The following EFCAB8 variants were observed in gnomAD, a reference collection of about 807,000 sequenced individuals.
EFCAB8 encodes EF-hand calcium binding domain 8.
EFCAB8 carries 100 observed loss-of-function variants against 116.3 expected under a neutral mutation model. The ratio of observed to expected loss-of-function variants is 0.86; its 90% confidence interval spans 0.73 to 1.02. EFCAB8 has a LOEUF of 1.02. EFCAB8 is among the 50% of genes least tolerant of loss of function. The probability of loss-of-function intolerance (pLI) is 0.00; values close to 1 mark genes in which losing one functional copy is unlikely to be tolerated. For synonymous variants in EFCAB8, 558 were observed against 567.9 expected (o/e 0.98, Z 0.25); for missense variants, 1,320 against 1,416.9 (o/e 0.93, Z 1.10).
At chr20:32,861,034 G>A (rs2146156847) in intron 1 of EFCAB8, among the ~76,000 whole-genome samples, 1 of 152,196 alleles carries the variant, frequency 6.6e-6, no homozygotes, top group East Asian at 1.9e-4. Flanking sequence ...ACTGTGCCTG[G>A]CCTGCATCGT....
chr20:32,906,489 C>T (rs1986677987), intron 11 of EFCAB8, 73 bp from the exon 12 acceptor site: 10 of 714,018 alleles, frequency 1.4e-5, no homozygotes, highest in Non-Finnish European at 2.3e-5. Context: ...CCTCCCACCC[C>T]AGGCTCAGTC....
chr20:32,898,406 A>G, intron 10 of EFCAB8, 87 bp from the exon 11 acceptor site: 1 of 664,864 alleles, frequency 1.5e-6, no homozygotes, highest in Non-Finnish European at 2.8e-6. Flanking sequence ...GGGCACCTCC[A>G]GTCCCAGCAC....
chr20:32,870,303 G>A (rs1249287795), intron 3 of EFCAB8, among the ~76,000 whole-genome samples: 4 of 152,256 alleles, frequency 2.6e-5, no homozygotes, highest in South Asian at 2.1e-4. Context: ...CTTGGCCATC[G>A]TTTTTATTGT....
At chr20:32,869,968 A>C (rs1167127497) in intron 3 of EFCAB8, among the ~76,000 whole-genome samples, 1 of 152,172 alleles carries the variant, frequency 6.6e-6, no homozygotes, top group Non-Finnish European at 1.5e-5. Context: ...TTCTCTGTTT[A>C]GAGCTTGATT....
Position 32,916,490 on chromosome 20 carries a change from C to T in EFCAB8, c.1857-811C>T, listed in dbSNP as rs141525623. Among the ~76,000 whole-genome samples the T allele has an allele frequency of 3.0e-3, 452 of 152,164 alleles. 1 individual carries two copies. Among genetic ancestry groups the T allele is most frequent in the African/African-American group, 0.01 (429 of 41,510 alleles). On this transcript the variant is annotated intron_variant, in intron 17 of 26. Coordinates refer to ENST00000400522, the MANE Select transcript of EFCAB8 (RefSeq NM_001143967.2). Reference sequence around the variant, plus strand: ...CCCAAGCTGGTCTTGAACTCCTGGCCTCAAACGATTTTCCTTCCTTGGCCC... The same window carrying T: ...CCCAAGCTGGTCTTGAACTCCTGGCTTCAAACGATTTTCCTTCCTTGGCCC...
At chr20:32,889,916 C>G (rs983844811) in intron 7 of EFCAB8, among the ~76,000 whole-genome samples, 1 of 150,704 alleles carries the variant, frequency 6.6e-6, no homozygotes, top group Non-Finnish European at 1.5e-5. Context: ...GCAGGAGAAT[C>G]GCTTGAACCT....
At chr20:32,892,903 C>T (rs1985987135) in intron 8 of EFCAB8, among the ~76,000 whole-genome samples, 1 of 150,430 alleles carries the variant, frequency 6.6e-6, no homozygotes, top group Non-Finnish European at 1.5e-5. Flanking sequence ...TGCAGTGGTG[C>T]CATCTTAGCT....
At chr20:32,892,330 C>T in intron 8 of EFCAB8, 33 bp downstream of exon 8, 2 of 1,543,308 alleles carry the variant, frequency 1.3e-6, no homozygotes, top group South Asian at 2.4e-5. Flanking sequence ...TCACATGAAC[C>T]AGGAGGCCCA....
At chr20:32,890,280 G>A (rs1039367882) in intron 7 of EFCAB8, among the ~76,000 whole-genome samples, 1 of 152,054 alleles carries the variant, frequency 6.6e-6, no homozygotes, top group African/African-American at 2.4e-5. Context: ...CATCCCTCCT[G>A]CCCCTCTCTC....
chr20:32,868,755 C>T (rs1174201181), intron 3 of EFCAB8, among the ~76,000 whole-genome samples: 4 of 152,102 alleles, frequency 2.6e-5, no homozygotes, highest in Admixed American at 6.6e-5. Context: ...GAGGCCAAGG[C>T]GGGCAGATCA....
chr20:32,869,700 G>A (rs753108604), intron 3 of EFCAB8, among the ~76,000 whole-genome samples: 7 of 152,162 alleles, frequency 4.6e-5, no homozygotes, highest in Non-Finnish European at 7.4e-5. Context: ...CACACAGTAT[G>A]GGGGCTGCTT....
intron 20 of EFCAB8, among the ~76,000 whole-genome samples, chr20:32,925,541 C>T (rs1366324627): frequency 3.3e-5 from 5 of 152,134 alleles, no homozygotes; most frequent in Admixed American, 2.6e-4. Context: ...TTAGTGGAGA[C>T]GGGGTTTTGC....
At chr20:32,924,819 C>T (rs1555864291) in intron 20 of EFCAB8, among the ~76,000 whole-genome samples, 1 of 150,682 alleles carries the variant, frequency 6.6e-6, no homozygotes, top group Non-Finnish European at 1.5e-5. Context: ...GCTGGCAGGG[C>T]TGTGTGTGTG....
intron 22 of EFCAB8, among the ~76,000 whole-genome samples, chr20:32,940,925 G>A (rs1163095563): frequency 6.7e-6 from 1 of 149,742 alleles, no homozygotes; most frequent in African/African-American, 2.5e-5. Flanking sequence ...GCTGGGATGT[G>A]GACAAACTGG....
chr20:32,908,220 C>A (rs1437921156), intron 13 of EFCAB8, 55 bp from the exon 14 acceptor site: 14 of 1,246,758 alleles, frequency 1.1e-5, no homozygotes. Context: ...GCTTCAGGAG[C>A]CGGCTACATC....
At chr20:32,873,064 G>T (rs1423307279) in intron 3 of EFCAB8, among the ~76,000 whole-genome samples, 1 of 152,116 alleles carries the variant, frequency 6.6e-6, no homozygotes, top group Non-Finnish European at 1.5e-5. Context: ...TTGCACTCCA[G>T]CCTGGGCAAT....
At chr20:32,861,599 A>G (rs530488970) in intron 1 of EFCAB8, among the ~76,000 whole-genome samples, 4 of 152,222 alleles carry the variant, frequency 2.6e-5, no homozygotes, top group East Asian at 3.9e-4. Flanking sequence ...GTTGAAACAC[A>G]TGTTAAAGAT....
At chr20:32,889,581 A>G (rs925116576) in intron 7 of EFCAB8, among the ~76,000 whole-genome samples, 175 bp downstream of exon 7, 3 of 152,110 alleles carry the variant, frequency 2.0e-5, no homozygotes, top group African/African-American at 7.2e-5. Flanking sequence ...TGAATGCTCG[A>G]ATGAATACAG....
intron 6 of EFCAB8, among the ~76,000 whole-genome samples, chr20:32,887,659 C>T (rs1175002969): frequency 6.6e-6 from 1 of 152,242 alleles, no homozygotes; most frequent in African/African-American, 2.4e-5. Context: ...GCCGAGTGGG[C>T]TGGCCTCCCT....
Sources: allele counts gnomAD v4.1 joint callset (sites outside exome capture counted in the v4.1 genomes callset), GRCh38; gene constraint gnomAD v4.1.1; transcripts MANE v1.5; gene names NCBI Gene and HGNC (gene_info 2026-07-23, HGNC 2026-07-21).